The following GPC5 variants were observed in gnomAD, a reference collection of about 807,000 sequenced individuals.
GPC5 encodes the protein glypican 5.
GPC5 carries 47 observed loss-of-function variants against 53.9 expected under a neutral mutation model. The ratio of observed to expected loss-of-function variants is 0.87; its 90% CI spans 0.69 to 1.11. GPC5 has a LOEUF of 1.11. Ranked by LOEUF, GPC5 falls within the 50% of genes most tolerant of loss-of-function variation. The pLI is 0.00. For synonymous variants in GPC5, 286 were observed against 263.3 expected (o/e 1.09, Z -0.84); for missense variants, 748 against 713.1 (o/e 1.05, Z -0.56).
At chr13:92,571,761 T>A (rs1883030054) in intron 7 of GPC5, among the ~76,000 whole-genome samples, 3 of 152,152 alleles carry the variant, frequency 2.0e-5, no homozygotes, top group African/African-American at 7.2e-5. Flanking sequence ...TTACTTTTAA[T>A]ATTACAAAAA....
chr13:92,428,049 G>A (rs190410503), intron 7 of GPC5, among the ~76,000 whole-genome samples: 15 of 152,184 alleles, frequency 9.9e-5, no homozygotes, highest in African/African-American at 3.1e-4. Context: ...TCAGCAAAAT[G>A]TTTTATTGAG....
At chr13:91,620,783 GT>G (rs1474192097) in intron 2 of GPC5, among the ~76,000 whole-genome samples, 6 of 152,102 alleles carry the variant, frequency 3.9e-5, no homozygotes, top group African/African-American at 1.4e-4. Context: ...TGGTCTGGAG[GT>G]TGGAAGTGGC....
At chr13:92,544,363 C>T (rs1395014345) in intron 7 of GPC5, among the ~76,000 whole-genome samples, 1 of 152,100 alleles carries the variant, frequency 6.6e-6, no homozygotes, top group Non-Finnish European at 1.5e-5. Flanking sequence ...TTTGTAGCTA[C>T]AAAAGCCCAC....
intron 6 of GPC5, among the ~76,000 whole-genome samples, chr13:92,024,040 A>G (rs2040781234): frequency 6.6e-6 from 1 of 152,166 alleles, no homozygotes; most frequent in Admixed American, 6.5e-5. Context: ...ACACAGGATT[A>G]TATGTGTCTT....
chr13:91,445,528 G>T (rs568951743), intron 1 of GPC5, among the ~76,000 whole-genome samples: 21 of 152,172 alleles, frequency 1.4e-4, no homozygotes, highest in Non-Finnish European at 2.2e-4. Flanking sequence ...AGACTCGAGG[G>T]CAGTGGCACG....
intron 2 of GPC5, among the ~76,000 whole-genome samples, chr13:91,493,983 C>T (rs2139265104): frequency 6.6e-6 from 1 of 152,210 alleles, no homozygotes; most frequent in East Asian, 1.9e-4. Flanking sequence ...AAGCAATTCC[C>T]CTGCCTGAGC....
intron 6 of GPC5, among the ~76,000 whole-genome samples, chr13:91,990,552 A>G (rs1160783935): frequency 6.6e-6 from 1 of 152,168 alleles, no homozygotes; most frequent in East Asian, 1.9e-4. Context: ...ACCTAGTGAT[A>G]TTGTTCTTAT....
intron 6 of GPC5, among the ~76,000 whole-genome samples, chr13:91,961,290 A>ACACAAGG (rs2040123291): frequency 6.6e-6 from 1 of 151,996 alleles, no homozygotes; most frequent in South Asian, 2.1e-4. Context: ...TACCTTGTAT[A>ACACAAGG]TATATATACA....
At chr13:91,587,484 G>C (rs2032642144) in intron 2 of GPC5, among the ~76,000 whole-genome samples, 1 of 152,048 alleles carries the variant, frequency 6.6e-6, no homozygotes, top group Non-Finnish European at 1.5e-5. Flanking sequence ...CTAGGGAACT[G>C]TTTTTTCATT....
intron 7 of GPC5, among the ~76,000 whole-genome samples, chr13:92,509,129 G>A (rs995028686): frequency 6.6e-6 from 1 of 152,170 alleles, no homozygotes; most frequent in Non-Finnish European, 1.5e-5. Flanking sequence ...ATAGTTTGAT[G>A]TGAAGAATTC....
intron 6 of GPC5, among the ~76,000 whole-genome samples, chr13:92,040,249 G>C (rs1477544873): frequency 6.6e-6 from 1 of 152,132 alleles, no homozygotes; most frequent in Admixed American, 6.5e-5. Context: ...GTGGGTTTTC[G>C]CCAGTCTCTG....
intron 6 of GPC5, among the ~76,000 whole-genome samples, chr13:91,965,193 T>C (rs2040169519): frequency 6.6e-6 from 1 of 152,012 alleles, no homozygotes; most frequent in Non-Finnish European, 1.5e-5. Context: ...GTAAAAAACG[T>C]GCACGTTGTA....
chr13:91,429,866 C>T (rs775373328), intron 1 of GPC5, among the ~76,000 whole-genome samples: 21 of 152,118 alleles, frequency 1.4e-4, no homozygotes, highest in Non-Finnish European at 2.6e-4. Flanking sequence ...TATCCGTAGA[C>T]CACTTTTAAA....
chr13:92,168,235 C>T (rs1253256617), intron 7 of GPC5, among the ~76,000 whole-genome samples: 1 of 152,110 alleles, frequency 6.6e-6, no homozygotes, highest in Non-Finnish European at 1.5e-5. Flanking sequence ...TATAAAAACC[C>T]TAGAAGAAAA....
rs576308820 is a variant in GPC5, at chr13:91,985,331, G to A, written c.1401+77274G>A. On this transcript the variant is annotated intron_variant, in intron 6 of 7. Coordinates refer to ENST00000377067, the MANE Select transcript of GPC5 (RefSeq NM_004466.6). ...CATCATTTACTTTTATGTGTCTTAT[G>A]TTCTTATATCTGATGTTTGTCTGTG... Among the ~76,000 whole-genome samples, 15 of 145,060 alleles carry A rather than the reference G, an allele frequency of 1.0e-4. No homozygotes were observed. In the East Asian group the frequency reaches 3.1e-3, roughly 29 times the overall value.
intron 7 of GPC5, among the ~76,000 whole-genome samples, chr13:92,182,289 C>T (rs1388930731): frequency 1.3e-5 from 2 of 152,186 alleles, no homozygotes; most frequent in Non-Finnish European, 1.5e-5. Flanking sequence ...TAGCTGCCCA[C>T]ATCTGGCCAA....
At chr13:92,703,430 T>C (rs1466784988) in intron 7 of GPC5, among the ~76,000 whole-genome samples, 1 of 151,528 alleles carries the variant, frequency 6.6e-6, no homozygotes, top group African/African-American at 2.4e-5. Flanking sequence ...GATAAACACC[T>C]CTCTGGAAAA....
chr13:91,694,271 T>A (rs537582609), intron 3 of GPC5, among the ~76,000 whole-genome samples: 78 of 152,354 alleles, frequency 5.1e-4, no homozygotes, highest in Non-Finnish European at 4.3e-4. Context: ...ATAGGCATTA[T>A]GTGTGCAAAC....
intron 5 of GPC5, among the ~76,000 whole-genome samples, chr13:91,842,682 G>A (rs1344316704): frequency 7.9e-6 from 1 of 127,332 alleles, no homozygotes; most frequent in Non-Finnish European, 1.6e-5. Context: ...TCCAACCTGG[G>A]AGACACAGCG....
Sources: allele counts gnomAD v4.1 joint callset (sites outside exome capture counted in the v4.1 genomes callset), GRCh38; gene constraint gnomAD v4.1.1; transcripts MANE v1.5; gene names NCBI Gene and HGNC (gene_info 2026-07-23, HGNC 2026-07-21).